The following TBC1D32 variants were observed in gnomAD, a reference collection of about 807,000 sequenced individuals.
The protein encoded by TBC1D32 is protein broad-minded.
In TBC1D32, 151 loss-of-function variants were observed where a neutral mutation model predicts 170.3. That is an observed-to-expected ratio of 0.89 (90% CI 0.78 to 1.01). The LOEUF is 1.01. TBC1D32 is among the 50% of genes least tolerant of loss of function. The probability of loss-of-function intolerance (pLI) is 0.00; values close to 1 mark genes in which losing one functional copy is unlikely to be tolerated. For missense variants in TBC1D32, 1,464 were observed against 1,457.1 expected, an observed-to-expected ratio of 1.00 and a Z score of -0.08; for synonymous variants, 498 against 488.0, an observed-to-expected ratio of 1.02 and a Z score of -0.27.
At chr6:121,089,936 C>CTT (rs778272700) in intron 31 of TBC1D32, among the ~76,000 whole-genome samples, 18 of 138,724 alleles carry the variant, frequency 1.3e-4, no homozygotes, top group East Asian at 4.2e-4. Context: ...TTCAAAGATT[C>CTT]TTTTTTTTTT....
chr6:121,332,377 T>C (rs1811333256), intron 1 of TBC1D32, among the ~76,000 whole-genome samples: 1 of 151,966 alleles, frequency 6.6e-6, no homozygotes, highest in Non-Finnish European at 1.5e-5. Flanking sequence ...AAGCCAAAAG[T>C]TGGTTCTTTG....
chr6:121,329,211 T>C (rs1225293561), intron 1 of TBC1D32, among the ~76,000 whole-genome samples: 1 of 151,002 alleles, frequency 6.6e-6, no homozygotes, highest in African/African-American at 2.5e-5. Flanking sequence ...CCCAAAAAAA[T>C]GCAATTTTTT....
In TBC1D32 at chr6:121,256,179, T is replaced by C; in HGVS notation, c.1840A>G (p.Ile614Val). 1 of 1,613,936 alleles carries C rather than the reference T, an allele frequency of 6.2e-7. No individual in the cohort carries two copies. Among genetic ancestry groups the C allele is most frequent in the Non-Finnish European group, 8.5e-7 (1 of 1,179,926 alleles). ...CTATATATGTGACGACACACAGAAATAAAAGCTCCTTTAACCACAGGCAAC... is the reference window on the plus strand; with the variant it reads ...CTATATATGTGACGACACACAGAAACAAAAGCTCCTTTAACCACAGGCAAC... Reference protein sequence around the residue: ...EMLPVVKGAFISVCRHIYSTC... With the variant: ...EMLPVVKGAFVSVCRHIYSTC... Residue 614 changes from isoleucine to valine, a missense_variant, in exon 16 of 32, where the codon ATT becomes GTT. Ile to Val is a conservative substitution (Grantham distance 29). Transcript: ENST00000398212.
intron 15 of TBC1D32, among the ~76,000 whole-genome samples, chr6:121,262,608 C>G (rs575774192): frequency 1.3e-5 from 2 of 151,966 alleles, no homozygotes; most frequent in African/African-American, 2.4e-5. Context: ...TCCTGAGTAG[C>G]TGGGACTATA....
intron 17 of TBC1D32, among the ~76,000 whole-genome samples, chr6:121,253,068 CT>C (rs1798503426): frequency 6.6e-6 from 1 of 151,778 alleles, no homozygotes; most frequent in African/African-American, 2.4e-5. Context: ...TGACTAAGAC[CT>C]CAAAAGCAAT....
In TBC1D32 at chr6:121,160,993, A is replaced by G. The variant is rs767713186; in HGVS notation, c.2634T>C (p.Val878=). ...RNHVLVRINL[V]GGPLERILPP... is the part of the protein sequence containing the mutation. ...GCAAAATCCGTTCCAATGGCCCACC[A>G]ACAAGATTTATTCTAACAAGAACAT... The change falls in exon 23 of 32, where the codon GTT becomes GTC. Residue 878 remains valine, a synonymous_variant. Coordinates refer to ENST00000398212, the MANE Select transcript of TBC1D32 (RefSeq NM_152730.6). 10 of 1,614,010 alleles carry G rather than the reference A, an allele frequency of 6.2e-6. No individual in the cohort carries two copies. The highest frequency in any genetic ancestry group is 1.7e-4 in the Middle Eastern group (1 of 6,060).
chr6:121,180,411 A>G (rs1033829589), intron 22 of TBC1D32, among the ~76,000 whole-genome samples: 7 of 152,192 alleles, frequency 4.6e-5, no homozygotes, highest in Admixed American at 3.3e-4. Context: ...ACACAGACCA[A>G]CGGAACAGAA....
chr6:121,265,662 C>T (rs1277812727), intron 15 of TBC1D32, among the ~76,000 whole-genome samples: 7 of 152,064 alleles, frequency 4.6e-5, no homozygotes, highest in South Asian at 2.1e-4. Context: ...CATCATGCTA[C>T]GTGACTTCAA....
chr6:121,307,110 C>T (rs1384276286), intron 5 of TBC1D32, among the ~76,000 whole-genome samples: 1 of 151,934 alleles, frequency 6.6e-6, no homozygotes, highest in African/African-American at 2.4e-5. Flanking sequence ...CGTGGTGGCT[C>T]AAGCCTGTAA....
intron 24 of TBC1D32, among the ~76,000 whole-genome samples, chr6:121,144,343 T>C (rs975278101): frequency 6.6e-6 from 1 of 152,174 alleles, no homozygotes; most frequent in African/African-American, 2.4e-5. Context: ...GCAGCATTCC[T>C]CTGGCTGCTG....
At chr6:121,119,290 C>G (rs1780020989) in intron 26 of TBC1D32, among the ~76,000 whole-genome samples, 1 of 152,056 alleles carries the variant, frequency 6.6e-6, no homozygotes, top group South Asian at 2.1e-4. Flanking sequence ...GGTATATGTC[C>G]TATTTTTCCT....
chr6:121,094,954 G>A (rs1777228705), intron 30 of TBC1D32, among the ~76,000 whole-genome samples: 1 of 152,004 alleles, frequency 6.6e-6, no homozygotes, highest in Admixed American at 6.6e-5. Context: ...ATGTAATTCT[G>A]CCAGAAAATG....
chr6:121,157,065 G>T (rs1784993137), intron 24 of TBC1D32, among the ~76,000 whole-genome samples: 1 of 151,996 alleles, frequency 6.6e-6, no homozygotes, highest in Admixed American at 6.6e-5. Context: ...TATCTTTGTG[G>T]AATTTTCTGC....
chr6:121,117,306 TTGGTATGAACAAAACTA>T (rs1225002584), intron 26 of TBC1D32, among the ~76,000 whole-genome samples: 1 of 152,112 alleles, frequency 6.6e-6, no homozygotes, highest in Non-Finnish European at 1.5e-5. Flanking sequence ...GTATATAACT[TTGGTATGAACAAAACTA>T]TGCAGATAAA....
At chr6:121,205,325 T>G (rs1792110674) in intron 21 of TBC1D32, among the ~76,000 whole-genome samples, 162 bp from the exon 22 acceptor site, 1 of 152,070 alleles carries the variant, frequency 6.6e-6, no homozygotes, top group Admixed American at 6.6e-5. Flanking sequence ...AGAAGAATAA[T>G]AGTATAATGC....
chr6:121,299,997 C>T (rs1391261009), intron 9 of TBC1D32, among the ~76,000 whole-genome samples: 1 of 152,150 alleles, frequency 6.6e-6, no homozygotes, highest in East Asian at 1.9e-4. Context: ...GTCAAAAGAG[C>T]TTTAAATCTC....
At chr6:121,124,532 T>C (rs1337125205) in intron 26 of TBC1D32, among the ~76,000 whole-genome samples, 1 of 152,120 alleles carries the variant, frequency 6.6e-6, no homozygotes. Context: ...AATCTAATTG[T>C]TGACCTTTGA....
Position 121,310,784 on chromosome 6 carries a change from T to C in TBC1D32, c.559A>G (p.Lys187Glu), listed in dbSNP as rs1163458731. 1 of 1,555,180 alleles carries C rather than the reference T, an allele frequency of 6.4e-7. No homozygotes were observed. Among genetic ancestry groups the C allele is most frequent in the Non-Finnish European group, 8.7e-7 (1 of 1,143,628 alleles). ...ILDQLDPGQP[K>E]EVRYEALQTL... ...CAGCTATCCTTGAAACTTACCTCTT[T>C]AGGTTGCCCAGGATCCAACTGGTCT... The change falls in exon 4 of 32, where the codon AAA becomes GAA. Residue 187 changes from lysine (K) to glutamate (E), a missense_variant. Lys to Glu is a moderately conservative substitution (Grantham distance 56). Around this residue, in one of 3 missense-constraint regions of TBC1D32, gnomAD observed 1,363 missense variants for 1,338.1 expected, o/e 1.02. Transcript: ENST00000398212.
chr6:121,213,981 C>T (rs1467390897), intron 21 of TBC1D32, among the ~76,000 whole-genome samples: 2 of 151,750 alleles, frequency 1.3e-5, no homozygotes, highest in African/African-American at 4.9e-5. Context: ...AATAAGACTG[C>T]ACACTTACAA....
Sources: gnomAD v4.1 joint callset for allele counts (sites outside exome capture counted in the v4.1 genomes callset) on GRCh38, gnomAD v4.1.1 for gene constraint, gnomAD v4.1.1 regional missense constraint, MANE v1.5 for transcripts, NCBI Gene and HGNC (gene_info 2026-07-23, HGNC 2026-07-21) for gene names.